The following EFR3A variants were observed in gnomAD, a reference collection of about 807,000 sequenced individuals.
The protein encoded by EFR3A is protein EFR3 homolog A.
In EFR3A, 76 loss-of-function variants were observed where a neutral mutation model predicts 104.4. The ratio of observed to expected loss-of-function variants is 0.73; its 90% CI spans 0.60 to 0.88. The LOEUF is 0.88. Ranked by LOEUF, EFR3A falls within the 40% of genes least tolerant of loss-of-function variation. The pLI, the probability that EFR3A is intolerant of heterozygous loss-of-function variation, is 0.00. For missense variants in EFR3A, 985 were observed against 1,012.5 expected, an observed-to-expected ratio of 0.97 and a Z score of 0.37; for synonymous variants, 330 against 330.0, an observed-to-expected ratio of 1.00 and a Z score of 0.00.
chr8:131,999,495 T>C (rs1821677001), intron 19 of EFR3A, among the ~76,000 whole-genome samples: 1 of 152,208 alleles, frequency 6.6e-6, no homozygotes, highest in East Asian at 1.9e-4. Flanking sequence ...GCAAAAGTCA[T>C]AGATTATAAA....
At chr8:131,933,680 C>T (rs1027739089) in intron 1 of EFR3A, among the ~76,000 whole-genome samples, 8 of 151,614 alleles carry the variant, frequency 5.3e-5, no homozygotes, top group South Asian at 2.1e-4. Context: ...TGTAAGTCTA[C>T]AACATGATTA....
chr8:132,005,950 G>T (rs1822025867), intron 22 of EFR3A, among the ~76,000 whole-genome samples: 1 of 152,062 alleles, frequency 6.6e-6, no homozygotes, highest in African/African-American at 2.4e-5. Context: ...AAAGTATAAT[G>T]CATTAACACA....
intron 4 of EFR3A, 44 bp from the exon 5 acceptor site, chr8:131,949,925 C>G (rs758675139): frequency 1.3e-6 from 2 of 1,509,574 alleles, no homozygotes; most frequent in Non-Finnish European, 1.8e-6. Context: ...TTGGTTCACA[C>G]TTCTGAAGAA....
intron 8 of EFR3A, among the ~76,000 whole-genome samples, chr8:131,962,268 T>C (rs967833872): frequency 3.3e-5 from 5 of 152,122 alleles, no homozygotes; most frequent in Admixed American, 1.3e-4. Context: ...GACTGGCAAA[T>C]TGGATTAAGA....
intron 8 of EFR3A, among the ~76,000 whole-genome samples, chr8:131,960,325 T>G (rs1819242182): frequency 6.6e-6 from 1 of 152,176 alleles, no homozygotes; most frequent in South Asian, 2.1e-4. Context: ...ATTTGTCGGA[T>G]TCAAAACCCC....
At chr8:131,984,361 A>G (rs1316305626) in intron 15 of EFR3A, 61 bp downstream of exon 15, 1 of 1,401,802 alleles carries the variant, frequency 7.1e-7, no homozygotes, top group Non-Finnish European at 9.4e-7. Flanking sequence ...AACATCTTTG[A>G]AATGTTGCCG....
intron 14 of EFR3A, among the ~76,000 whole-genome samples, chr8:131,983,868 TAAAA>T (rs931025492): frequency 6.6e-6 from 1 of 152,230 alleles, no homozygotes; most frequent in African/African-American, 2.4e-5. Flanking sequence ...AAATTACTAT[TAAAA>T]AACATTTTCA....
intron 1 of EFR3A, among the ~76,000 whole-genome samples, chr8:131,907,645 TATAAA>T (rs1816315823): frequency 6.6e-6 from 1 of 152,240 alleles, no homozygotes; most frequent in South Asian, 2.1e-4. Context: ...CAGAATGAAT[TATAAA>T]AGAGGGTTGC....
intron 21 of EFR3A, 50 bp from the exon 22 acceptor site, chr8:132,003,186 A>G (rs1366029209): frequency 2.1e-6 from 3 of 1,398,046 alleles, no homozygotes; most frequent in Non-Finnish European, 3.0e-6. Context: ...ATTATTATAT[A>G]TAGATACCTA....
intron 14 of EFR3A, among the ~76,000 whole-genome samples, chr8:131,980,553 T>C (rs1343185089): frequency 6.6e-6 from 1 of 152,146 alleles, no homozygotes; most frequent in East Asian, 1.9e-4. Context: ...ATTATAATTA[T>C]ATACATTTAT....
intron 1 of EFR3A, among the ~76,000 whole-genome samples, chr8:131,933,608 G>T (rs1341920580): frequency 6.6e-6 from 1 of 151,914 alleles, no homozygotes; most frequent in Non-Finnish European, 1.5e-5. Flanking sequence ...GTGTAACTCT[G>T]CTGAGTAATA....
At chr8:131,910,160 G>A (rs1816446475) in intron 1 of EFR3A, among the ~76,000 whole-genome samples, 1 of 152,240 alleles carries the variant, frequency 6.6e-6, no homozygotes, top group Admixed American at 6.5e-5. Context: ...TACTAGCCGA[G>A]TAGCTGGACA....
intron 5 of EFR3A, among the ~76,000 whole-genome samples, chr8:131,950,483 T>C (rs891930240): frequency 3.3e-5 from 5 of 152,176 alleles, no homozygotes; most frequent in Admixed American, 3.3e-4. Flanking sequence ...CCCACATGGC[T>C]CGTTACCTAA....
intron 1 of EFR3A, among the ~76,000 whole-genome samples, chr8:131,933,066 AAC>A (rs1470108691): frequency 6.6e-6 from 1 of 152,208 alleles, no homozygotes; most frequent in African/African-American, 2.4e-5. Flanking sequence ...TTTTTAAAAA[AAC>A]AGTTACAACA....
At chr8:131,943,833 C>T (rs962778611) in intron 2 of EFR3A, among the ~76,000 whole-genome samples, 15 of 152,024 alleles carry the variant, frequency 9.9e-5, no homozygotes, top group African/African-American at 3.6e-4. Context: ...CCAGTAAATA[C>T]TAATGTGATG....
intron 18 of EFR3A, among the ~76,000 whole-genome samples, chr8:131,994,319 C>G (rs955009157): frequency 2.0e-5 from 3 of 151,736 alleles, no homozygotes; most frequent in Non-Finnish European, 4.4e-5. Flanking sequence ...TACACTGATT[C>G]TAGACCTGAG....
At chr8:131,945,058 G>T (rs1418639032) in intron 3 of EFR3A, among the ~76,000 whole-genome samples, 186 bp downstream of exon 3, 1 of 151,928 alleles carries the variant, frequency 6.6e-6, no homozygotes, top group Admixed American at 6.6e-5. Flanking sequence ...TACTTTCCTG[G>T]TGGTCAGGTT....
intron 6 of EFR3A, among the ~76,000 whole-genome samples, chr8:131,954,693 A>G: frequency 6.6e-6 from 1 of 150,746 alleles, no homozygotes; most frequent in East Asian, 1.9e-4. Flanking sequence ...TTAATATTTC[A>G]GAAGCAGTAT....
intron 6 of EFR3A, 78 bp from the exon 7 acceptor site, chr8:131,955,690 A>G: frequency 2.7e-6 from 4 of 1,469,240 alleles, no homozygotes; most frequent in East Asian, 2.3e-5. Flanking sequence ...TAACATTTCT[A>G]AAAAGTAAAG....
Sources: allele counts gnomAD v4.1 joint callset (sites outside exome capture counted in the v4.1 genomes callset), GRCh38; gene constraint gnomAD v4.1.1; transcripts MANE v1.5; gene names NCBI Gene and HGNC (gene_info 2026-07-23, HGNC 2026-07-21).